OTX1: variants seen among roughly 807,000 people sequenced by gnomAD.
The protein encoded by OTX1 is homeobox protein OTX1.
A neutral mutation model predicts 26.7 loss-of-function variants in OTX1; 7 were observed. The observed-to-expected ratio is 0.26, with a 90% confidence interval of 0.15 to 0.49. The LOEUF (loss-of-function observed/expected upper bound fraction) is 0.49, where lower values mean the gene tolerates loss of function less well. Among genes scored for constraint, OTX1 ranks in the 20% least tolerant of loss-of-function variants. OTX1 has a pLI of 0.98. For synonymous variants in OTX1, 216 were observed against 212.8 expected (o/e 1.01, Z -0.13); for missense variants, 414 against 483.8 (o/e 0.86, Z 1.35).
chr2:63,056,052 G>A lies in OTX1; in HGVS notation c.801G>A (p.Met267Ile), dbSNP rs966344245. ...ACCACCCGCACCAGCTCAGCCCCAT[G>A]GCACCCTCCTCCATGGCGGGCCACC... Reference protein sequence around the residue: ...SHHHPHQLSPMAPSSMAGHHH... With the variant: ...SHHHPHQLSPIAPSSMAGHHH... The change falls in exon 5 of 5, where the codon ATG (methionine) becomes ATA (isoleucine). Residue 267 changes from methionine to isoleucine, a missense_variant. Met to Ile is a conservative substitution (Grantham distance 10). Transcript: ENST00000282549. The A allele has an allele frequency of 1.2e-5, 20 of 1,613,240 alleles. No individual in the cohort carries two copies. In the African/African-American group the frequency reaches 1.7e-4, roughly 14 times the overall value.
At chr2:63,053,292 C>A (rs932641305) in intron 3 of OTX1, 1 of 445,990 alleles carries the variant, frequency 2.2e-6, no homozygotes. Context: ...GCTGAGAAAA[C>A]GCGCAATATG....
rs758378057 is a variant in OTX1 at position 63,054,096 on chromosome 2, G to A, written c.147G>A (p.Gln49=). The A allele has an allele frequency of 1.2e-6, 2 of 1,612,350 alleles. No homozygotes were observed. The highest frequency in any genetic ancestry group is 2.2e-5 in the South Asian group (2 of 90,886). Residue 49 remains glutamine, a synonymous_variant, in exon 4 of 5, where the codon CAG becomes CAA. Coordinates refer to ENST00000282549, the MANE Select transcript of OTX1 (RefSeq NM_014562.4). ...RRERTTFTRS[Q]LDVLEALFAK... is the part of the protein sequence containing the mutation. ...AGCGCACCACCTTCACGCGTTCACA[G>A]CTGGACGTGCTCGAGGCGCTCTTCG...
Position 63,056,164 on chromosome 2 carries a change from G to A in OTX1, c.913G>A (p.Gly305Ser), listed in dbSNP as rs748838360. Residue 305 changes from glycine to serine, a missense_variant, in exon 5 of 5, where the codon GGT becomes AGT. Transcript: ENST00000282549. ...HHHHHHHQGY[G>S]GSGLAFNSAD... is the part of the protein sequence containing the mutation. Reference sequence around the variant, plus strand: ...TCACCACCACCACCACCAAGGCTACGGTGGCTCTGGGCTTGCCTTCAACTC... The same window carrying A: ...TCACCACCACCACCACCAAGGCTACAGTGGCTCTGGGCTTGCCTTCAACTC... 6.2e-7 allele frequency: 1 copy of A among 1,613,936 alleles called. No homozygotes were observed. Among genetic ancestry groups the A allele is most frequent in the Non-Finnish European group, 8.5e-7 (1 of 1,179,992 alleles).
chr2:63,055,433 C>T lies in OTX1; in HGVS notation c.250-68C>T. Reference sequence around the variant, plus strand: ...TATTCTGGACCGGGAGTTGGGTCCGCGGGGCGGTGGAGCAACAAGCTCCCC... The same window carrying T: ...TATTCTGGACCGGGAGTTGGGTCCGTGGGGCGGTGGAGCAACAAGCTCCCC... On this transcript the variant is annotated intron_variant, in intron 4 of 4. Coordinates refer to ENST00000282549, the MANE Select transcript of OTX1 (RefSeq NM_014562.4). This position sits in a 1 kb window ranked among gnomAD's most constrained non-coding sequence, Gnocchi z 5.2. 1 of 1,497,094 alleles carries T rather than the reference C, an allele frequency of 6.7e-7. No individual in the cohort carries two copies. The highest frequency in any genetic ancestry group is 9.1e-7 in the Non-Finnish European group (1 of 1,103,056). The allele number at this position is 1,497,094 out of a possible 1,614,324, so 92.7% of individuals were successfully genotyped here.
intron 4 of OTX1, among the ~76,000 whole-genome samples, chr2:63,054,806 G>A (rs1401231603): frequency 2.0e-5 from 3 of 152,130 alleles, no homozygotes; most frequent in Admixed American, 6.5e-5. Flanking sequence ...TCCTTTACTC[G>A]AAAGCTTGAG....
At position 63,052,917 on chromosome 2, in the gene OTX1, G is replaced by T; in HGVS notation, c.-74G>T. ...GACGCATCAGACCCTGAAGGACTGC[G>T]TGGTGGGAGCCCTGCACCGCTCCTG... On this transcript the variant is annotated 5_prime_UTR_variant, in exon 3 of 5. Transcript: ENST00000282549. 1 of 919,252 alleles carries T rather than the reference G, an allele frequency of 1.1e-6. No individual in the cohort carries two copies. The highest frequency in any genetic ancestry group is 1.7e-6 in the Non-Finnish European group (1 of 578,394). The allele number at this position is 919,252 out of a possible 1,614,324, so 56.9% of individuals were successfully genotyped here.
intron 3 of OTX1, 163 bp downstream of exon 3, chr2:63,053,250 G>A (rs1308394875): frequency 3.8e-6 from 2 of 521,718 alleles, no homozygotes; most frequent in African/African-American, 4.0e-5. Flanking sequence ...CCGGCGCATG[G>A]GGCAGAGTCG....
rs1221147849 is a variant in OTX1 at position 63,057,098 on chromosome 2, A to C, written c.*782A>C. ...TGAACTGAACATATCTTGTCTTAGC[A>C]CCCAGGAAACAGAACTTTAAGATAT... On this transcript the variant is annotated 3_prime_UTR_variant, in exon 5 of 5. Coordinates refer to ENST00000282549, the MANE Select transcript of OTX1 (RefSeq NM_014562.4). 1.3e-5 allele frequency: 2 copies of C among 151,978 alleles called. No individual in the cohort carries two copies. Among genetic ancestry groups the C allele is most frequent in the Non-Finnish European group, 2.9e-5 (2 of 68,038 alleles). 9.4% of individuals were successfully genotyped at this position (151,978 alleles called of 1,614,324 possible). A position where few individuals can be genotyped will look rare whatever the true frequency, so the allele number is the denominator to read the frequency against.
Position 63,056,364 on chromosome 2 carries a change from T to G in OTX1, c.*48T>G. The G allele has an allele frequency of 4.0e-6, 6 of 1,511,214 alleles. No homozygotes were observed. The highest frequency in any genetic ancestry group is 5.4e-6 in the Non-Finnish European group (6 of 1,103,234). 93.6% of individuals were successfully genotyped at this position (1,511,214 alleles called of 1,614,324 possible). On this transcript the variant is annotated 3_prime_UTR_variant, in exon 5 of 5. Coordinates refer to ENST00000282549, the MANE Select transcript of OTX1 (RefSeq NM_014562.4). ...GAAACGCAACTACCTGCGCCCTCCGTGGTCCCGATCCTGTTGCTGCTGCTG... is the reference window on the plus strand; with the variant it reads ...GAAACGCAACTACCTGCGCCCTCCGGGGTCCCGATCCTGTTGCTGCTGCTG...
In OTX1 at chr2:63,053,093, C is replaced by A. The variant is rs777106186; in HGVS notation, c.97+6C>A. Reference sequence around the variant, plus strand: ...CCCATCCGTGGGCTATCCGGGTGAGCACCAGCCCTCCCGACCCTGCCTCAG... The same window carrying A: ...CCCATCCGTGGGCTATCCGGGTGAGAACCAGCCCTCCCGACCCTGCCTCAG... On this transcript the variant is annotated splice_donor_region_variant and intron_variant, in intron 3 of 4. Coordinates refer to ENST00000282549, the MANE Select transcript of OTX1 (RefSeq NM_014562.4). The A allele has an allele frequency of 1.2e-5, 19 of 1,553,484 alleles. No homozygotes were observed. Among genetic ancestry groups the A allele is most frequent in the Middle Eastern group, 1.7e-4 (1 of 5,888 alleles).
rs750062511 is a variant in OTX1, at chr2:63,055,480, C to T, written c.250-21C>T. On this transcript the variant is annotated intron_variant, in intron 4 of 4. Coordinates refer to ENST00000282549, the MANE Select transcript of OTX1 (RefSeq NM_014562.4). The surrounding 1 kb of genome is among the most constrained non-coding windows in gnomAD (Gnocchi z 5.2). ...CCCCTAGCTCCCTTTGACCCACTCT[C>T]CCCCATCCGGCCCACTGCAGGTCTG... 14 of 1,603,396 alleles carry T rather than the reference C, an allele frequency of 8.7e-6. No homozygotes were observed. In the South Asian group the frequency reaches 1.6e-4, roughly 18 times the overall value.
At position 63,053,654 on chromosome 2, in the gene OTX1, T is replaced by C. The variant is rs937586533; in HGVS notation, c.98-393T>C. On this transcript the variant is annotated intron_variant, in intron 3 of 4. Coordinates refer to ENST00000282549, the MANE Select transcript of OTX1 (RefSeq NM_014562.4). ...CCTCATTTATTTTCTCCGAAAGTGT[T>C]TTTCAGGTCGTGTTTCTGCCTACCT... The C allele has an allele frequency of 1.6e-4, 30 of 190,110 alleles. 1 individual carries two copies. The South Asian group carries it at 2.3e-3, about 15-fold the overall frequency. 11.8% of individuals were successfully genotyped at this position (190,110 alleles called of 1,614,324 possible).
chr2:63,056,308 G>A lies in OTX1; in HGVS notation c.1057G>A (p.Val353Ile). The A allele has an allele frequency of 6.2e-7, 1 of 1,610,492 alleles. No homozygotes were observed. The highest frequency in any genetic ancestry group is 8.5e-7 in the Non-Finnish European group (1 of 1,177,416). ...YKDQASWRFQ[V>I]L ...GGACCAAGCCTCATGGCGGTTCCAG[G>A]TCTTGTGAGCCCAGGAATGAAAGAG... is the stretch of plus-strand genomic sequence containing the variant. Residue 353 changes from valine to isoleucine, a missense_variant, in exon 5 of 5, where the codon GTC (valine) becomes ATC (isoleucine). By Grantham distance (29) the Val-to-Ile change is conservative. Around this residue, in one of 3 missense-constraint regions of OTX1, gnomAD observed 320 missense variants for 347.9 expected, o/e 0.92. Transcript: ENST00000282549.
Position 63,052,906 on chromosome 2 carries a change from T to C in OTX1, c.-85T>C. On this transcript the variant is annotated 5_prime_UTR_variant, in exon 3 of 5. Coordinates refer to ENST00000282549, the MANE Select transcript of OTX1 (RefSeq NM_014562.4). ...CCAGGCCCCCAGACGCATCAGACCCTGAAGGACTGCGTGGTGGGAGCCCTG... is the reference window on the plus strand; with the variant it reads ...CCAGGCCCCCAGACGCATCAGACCCCGAAGGACTGCGTGGTGGGAGCCCTG... 1 of 843,988 alleles carries C rather than the reference T, an allele frequency of 1.2e-6. No homozygotes were observed. Among genetic ancestry groups the C allele is most frequent in the Non-Finnish European group, 1.9e-6 (1 of 516,396 alleles). The allele number at this position is 843,988 out of a possible 1,614,324, so 52.3% of individuals were successfully genotyped here. A position where few individuals can be genotyped will look rare whatever the true frequency, so the allele number is the denominator to read the frequency against.
Position 63,052,950 on chromosome 2 carries a change from GC to G in OTX1, c.-36del. The G allele has an allele frequency of 3.5e-6, 5 of 1,413,234 alleles. No homozygotes were observed. Among genetic ancestry groups the G allele is most frequent in the East Asian group, 2.4e-5 (1 of 42,290 alleles). 87.5% of individuals were successfully genotyped at this position (1,413,234 alleles called of 1,614,324 possible). A position where few individuals can be genotyped will look rare whatever the true frequency, so the allele number is the denominator to read the frequency against. On this transcript the variant is annotated 5_prime_UTR_variant, in exon 3 of 5. Coordinates refer to ENST00000282549, the MANE Select transcript of OTX1 (RefSeq NM_014562.4). ...AGCCCTGCACCGCTCCTGGCCCCGGGCCCCCTGGATCCGTCGGGGCGCCTCC... is the reference window on the plus strand; with the variant it reads ...AGCCCTGCACCGCTCCTGGCCCCGGGCCCCTGGATCCGTCGGGGCGCCTCC...
At chr2:63,051,387 A>G (rs911376341) in intron 2 of OTX1, 70 bp downstream of exon 2, 9 of 152,332 alleles carry the variant, frequency 5.9e-5, no homozygotes, top group African/African-American at 1.9e-4. Context: ...CCCCCTCCTC[A>G]AATGGATCCC....
chr2:63,054,519 C>T lies in OTX1; in HGVS notation c.249+321C>T, dbSNP rs2062049652. ...GCGCCCTGCGGGCCTGACACTTGCCCCTGCTTCTTCGCCTGCCCCAGGACT... is the reference window on the plus strand; with the variant it reads ...GCGCCCTGCGGGCCTGACACTTGCCTCTGCTTCTTCGCCTGCCCCAGGACT... On this transcript the variant is annotated intron_variant, in intron 4 of 4. Coordinates refer to ENST00000282549, the MANE Select transcript of OTX1 (RefSeq NM_014562.4). 2.0e-5 allele frequency among the ~76,000 whole-genome samples: 3 copies of T among 152,256 alleles called. No homozygotes were observed. The South Asian group carries it at 6.2e-4, about 31-fold the overall frequency.
At position 63,057,777 on chromosome 2, in the gene OTX1, C is replaced by T. The variant is rs956201946; in HGVS notation, c.*1461C>T. The T allele has an allele frequency of 6.6e-6, 1 of 152,072 alleles. No homozygotes were observed. The highest frequency in any genetic ancestry group is 2.4e-5 in the African/African-American group (1 of 41,402). The allele number at this position is 152,072 out of a possible 1,614,324, so 9.4% of individuals were successfully genotyped here. ...ATTACTTGTTGAAATGTAAGGCAGT[C>T]CCCCTCCTCCTCTTTATCTACATTA... On this transcript the variant is annotated 3_prime_UTR_variant, in exon 5 of 5. Transcript: ENST00000282549.
Position 63,056,575 on chromosome 2 carries a change from T to C in OTX1, c.*259T>C, listed in dbSNP as rs1342891062. 1.1e-5 allele frequency: 6 copies of C among 548,650 alleles called. No homozygotes were observed. Among genetic ancestry groups the C allele is most frequent in the African/African-American group, 7.5e-5 (4 of 53,126 alleles). The allele number at this position is 548,650 out of a possible 1,614,324, so 34.0% of individuals were successfully genotyped here. A position where few individuals can be genotyped will look rare whatever the true frequency, so the allele number is the denominator to read the frequency against. ...CTACACATTCTATACAGGAGAGATG[T>C]ATTATTTCCCCCCTTCAGCCCCTAC... On this transcript the variant is annotated 3_prime_UTR_variant, in exon 5 of 5. Coordinates refer to ENST00000282549, the MANE Select transcript of OTX1 (RefSeq NM_014562.4).
Sources: allele counts gnomAD v4.1 joint callset (sites outside exome capture counted in the v4.1 genomes callset), GRCh38; gene constraint gnomAD v4.1.1; regional missense constraint gnomAD v4.1.1; non-coding constraint Gnocchi (gnomAD v3.1); transcripts MANE v1.5; gene names NCBI Gene and HGNC (gene_info 2026-07-23, HGNC 2026-07-21).